The following TNRC6A variants were observed in gnomAD, a reference collection of about 807,000 sequenced individuals.
TNRC6A encodes trinucleotide repeat-containing gene 6A protein.
In TNRC6A, 44 loss-of-function variants were observed where a neutral mutation model predicts 221.2. That is an observed-to-expected ratio of 0.20 (90% CI 0.16 to 0.26). The LOEUF (loss-of-function observed/expected upper bound fraction) is 0.26, where lower values mean the gene tolerates loss of function less well. Ranked by LOEUF, TNRC6A falls within the 10% of genes least tolerant of loss-of-function variation. TNRC6A has a pLI of 1.00. For synonymous variants in TNRC6A, 847 were observed against 838.5 expected, an observed-to-expected ratio of 1.01 and a Z score of -0.18; for missense variants, 2,199 against 2,404.4, an observed-to-expected ratio of 0.91 and a Z score of 1.79.
rs761401089 is a variant in TNRC6A, at chr16:24,823,474, T to C, written c.5556T>C (p.Ser1852=). ...GNTTILAEFA[S]EEEISRFFAQ... ...CTACTATTCTTGCTGAGTTTGCCAG[T>C]GAAGAGGAGATCAGTCGTTTCTTTG... The change falls in exon 25 of 25, where the codon AGT becomes AGC. Residue 1852 remains serine (S), a synonymous_variant. Transcript: ENST00000395799. This position sits in a 1 kb window ranked among gnomAD's most constrained non-coding sequence, Gnocchi z 4.3. 51 of 1,613,986 alleles carry C rather than the reference T, an allele frequency of 3.2e-5. No homozygotes were observed. The highest frequency in any genetic ancestry group is 3.3e-4 in the Middle Eastern group (2 of 6,076).
At chr16:24,788,069 C>T (rs1249510084) in intron 5 of TNRC6A, among the ~76,000 whole-genome samples, 5 of 152,128 alleles carry the variant, frequency 3.3e-5, no homozygotes, top group African/African-American at 1.2e-4. Flanking sequence ...GATCCTTAGA[C>T]CAAGTGAGAG....
At chr16:24,747,215 A>T (rs971443634) in intron 2 of TNRC6A, among the ~76,000 whole-genome samples, 5 of 152,234 alleles carry the variant, frequency 3.3e-5, no homozygotes, top group Admixed American at 3.3e-4. Flanking sequence ...TGATTTGACA[A>T]ATGTATACAC....
At chr16:24,696,751 G>GAAAAA (rs2055872388) in intron 2 of TNRC6A, among the ~76,000 whole-genome samples, 2 of 42,636 alleles carry the variant, frequency 4.7e-5, no homozygotes, top group African/African-American at 1.1e-4. Context: ...AAAAAGAAAG[G>GAAAAA]AAAGGAAAGG....
chr16:24,643,394 G>A (rs2019905), intron 2 of TNRC6A, among the ~76,000 whole-genome samples: 4 of 151,278 alleles, frequency 2.6e-5, no homozygotes, highest in East Asian at 2.0e-4. Context: ...TTCTTAGGGC[G>A]GCGGATTAGG....
chr16:24,649,854 C>A (rs1198280140), intron 2 of TNRC6A, among the ~76,000 whole-genome samples: 6 of 116,040 alleles, frequency 5.2e-5, no homozygotes, highest in Admixed American at 3.4e-4. Context: ...GGAGATGGAA[C>A]CTAGCTCTGT....
intron 17 of TNRC6A, 31 bp from the exon 18 acceptor site, chr16:24,809,319 T>C: frequency 6.8e-7 from 1 of 1,476,792 alleles, no homozygotes. Flanking sequence ...CTGTATTTTC[T>C]AAGGTTTTGT....
intron 2 of TNRC6A, among the ~76,000 whole-genome samples, chr16:24,717,303 A>T (rs1323679164): frequency 6.6e-6 from 1 of 152,216 alleles, no homozygotes. Context: ...TAGGTATAAG[A>T]ATCATTACAT....
At chr16:24,754,782 C>T (rs1360106150) in intron 3 of TNRC6A, among the ~76,000 whole-genome samples, 1 of 152,026 alleles carries the variant, frequency 6.6e-6, no homozygotes, top group Non-Finnish European at 1.5e-5. Flanking sequence ...TCGTTGAAGG[C>T]CGAGGGGAAG....
intron 7 of TNRC6A, 83 bp from the exon 8 acceptor site, chr16:24,794,461 C>T: frequency 6.9e-7 from 1 of 1,456,572 alleles, no homozygotes; most frequent in Non-Finnish European, 9.2e-7. Flanking sequence ...GGTTCTCTAC[C>T]CAATTTTTAA....
intron 2 of TNRC6A, among the ~76,000 whole-genome samples, chr16:24,685,777 T>C (rs2055615027): frequency 6.6e-6 from 1 of 152,128 alleles, no homozygotes; most frequent in Non-Finnish European, 1.5e-5. Flanking sequence ...ATCAGTAAAA[T>C]GGGTATGATA....
intron 2 of TNRC6A, among the ~76,000 whole-genome samples, chr16:24,645,834 CAAAAA>C (rs36106864): frequency 4.0e-3 from 107 of 26,620 alleles, no homozygotes; most frequent in South Asian, 0.02. Context: ...CCTGTATCTA[CAAAAA>C]AAAAAAAAAA....
chr16:24,693,652 C>T (rs1331591654), intron 2 of TNRC6A, among the ~76,000 whole-genome samples: 3 of 152,060 alleles, frequency 2.0e-5, no homozygotes, highest in African/African-American at 7.2e-5. Flanking sequence ...GTCATCCTAG[C>T]TACTCAGGAG....
chr16:24,635,335 T>C lies in TNRC6A; in HGVS notation n.277-5549T>C, dbSNP rs188182479. ...TGGAGACCTGTCACCCAGGCTTGAG[T>C]GCAGTGGCTCGATCTTGGCTCACTG... On this transcript the variant is annotated intron_variant and non_coding_transcript_variant, in intron 1 of 2. Coordinates refer to the TNRC6A transcript ENST00000566108. Among the ~76,000 whole-genome samples, 252 of 152,172 alleles carry C rather than the reference T, an allele frequency of 1.7e-3. 3 individuals carry two copies. The highest frequency in any genetic ancestry group is 5.8e-3 in the African/African-American group (241 of 41,518).
Position 24,654,297 on chromosome 16 carries a change from GCATAAT to G in TNRC6A, n.402+13291_402+13296del, listed in dbSNP as rs1289684341. Among the ~76,000 whole-genome samples, 4 of 152,312 alleles carry G rather than the reference GCATAAT, an allele frequency of 2.6e-5. No homozygotes were observed. In the East Asian group the frequency reaches 7.7e-4, roughly 29 times the overall value. On this transcript the variant is annotated intron_variant and non_coding_transcript_variant, in intron 2 of 2. Transcript: ENST00000566108. The stretch of plus-strand genomic sequence containing the variant: ...AGAGCAGCTTACAAAATGCCAGAAT[GCATAAT>G]CAAACTGGACAGGCTCAATGAATGA...
In TNRC6A at chr16:24,750,768, AAAG is replaced by A. The variant is rs1596611100; in HGVS notation, c.99_101del (p.Lys35del). The A allele has an allele frequency of 1.3e-6, 2 of 1,569,116 alleles. No individual in the cohort carries two copies. Among genetic ancestry groups the A allele is most frequent in the Non-Finnish European group, 1.7e-6 (2 of 1,160,998 alleles). On this transcript the variant is annotated inframe_deletion, in exon 3 of 25. Coordinates refer to ENST00000395799, the MANE Select transcript of TNRC6A (RefSeq NM_014494.4). ...AAGAACAGTTGATGGAAGAAAAGAA[AAAG>A]AAAAAAGACGACAAGAAAAAGAAGG...
chr16:24,633,769 G>T (rs944217151), intron 1 of TNRC6A, among the ~76,000 whole-genome samples: 1 of 147,790 alleles, frequency 6.8e-6, no homozygotes, highest in Non-Finnish European at 1.5e-5. Flanking sequence ...CTCCATTAAG[G>T]TATAGAATTT....
At chr16:24,694,314 C>T (rs773657145) in intron 2 of TNRC6A, among the ~76,000 whole-genome samples, 15 of 152,100 alleles carry the variant, frequency 9.9e-5, no homozygotes, top group South Asian at 4.1e-4. Context: ...TTTCCAAAAC[C>T]CCAACACATG....
chr16:24,623,030 T>C lies in TNRC6A; in HGVS notation n.276+12546T>C, dbSNP rs527578333. 7.9e-5 allele frequency among the ~76,000 whole-genome samples: 12 copies of C among 152,306 alleles called. 1 individual carries two copies. Among genetic ancestry groups the C allele is most frequent in the Admixed American group, 7.8e-4 (12 of 15,290 alleles). ...TGTGTAAGATGGTGCAGTTTGGAAG[T>C]GTATTTGACATCATGCTAACAGAGG... On this transcript the variant is annotated intron_variant and non_coding_transcript_variant, in intron 1 of 2. Coordinates refer to the TNRC6A transcript ENST00000566108.
chr16:24,679,334 C>G (rs2055484745), intron 2 of TNRC6A, among the ~76,000 whole-genome samples: 1 of 150,090 alleles, frequency 6.7e-6, no homozygotes, highest in Non-Finnish European at 1.5e-5. Context: ...GACAGGGTCT[C>G]TCTCTGTTGC....
Sources: allele counts gnomAD v4.1 joint callset (sites outside exome capture counted in the v4.1 genomes callset), GRCh38; gene constraint gnomAD v4.1.1; non-coding constraint Gnocchi (gnomAD v3.1); transcripts MANE v1.5; gene names NCBI Gene and HGNC (gene_info 2026-07-23, HGNC 2026-07-21).